CARD8: variants seen among roughly 807,000 people sequenced by gnomAD.
The protein encoded by CARD8 is caspase recruitment domain-containing protein 8.
Under a neutral mutation model 53.2 loss-of-function variants are expected in CARD8, and 38 were observed. The ratio of observed to expected loss-of-function variants is 0.71; its 90% CI spans 0.55 to 0.94. The LOEUF is 0.94. Among genes scored for constraint, CARD8 ranks in the 40% least tolerant of loss-of-function variants. The pLI, the probability that CARD8 is intolerant of heterozygous loss-of-function variation, is 0.00. For missense variants in CARD8, 561 were observed against 655.5 expected, an observed-to-expected ratio of 0.86 and a Z score of 1.57; for synonymous variants, 245 against 244.9, an observed-to-expected ratio of 1.00 and a Z score of 0.00.
At chr19:48,231,506 T>C (rs1222788138) in intron 8 of CARD8, among the ~76,000 whole-genome samples, 154 bp downstream of exon 8, 2 of 151,996 alleles carry the variant, frequency 1.3e-5, no homozygotes, top group Admixed American at 1.3e-4. Context: ...GGTTTCGTCA[T>C]GTTGGCCAGG....
At position 48,231,829 on chromosome 19, in the gene CARD8, A is replaced by G; in HGVS notation, c.392-19T>C. On this transcript the variant is annotated intron_variant, in intron 7 of 13. Transcript: ENST00000651546. ...ATGTCTCCTGAAAAGAAAATACTAG[A>G]CATGTAAGAGGTAAAGGGTTGGAAG... The G allele has an allele frequency of 3.1e-6, 5 of 1,612,562 alleles. No individual in the cohort carries two copies. Among genetic ancestry groups the G allele is most frequent in the Non-Finnish European group, 4.2e-6 (5 of 1,179,046 alleles).
At chr19:48,235,219 G>A (rs2043661180) in intron 5 of CARD8, among the ~76,000 whole-genome samples, 1 of 152,156 alleles carries the variant, frequency 6.6e-6, no homozygotes, top group Non-Finnish European at 1.5e-5. Context: ...GCTTGGTGCT[G>A]TCCTCCTATG....
At position 48,214,769 on chromosome 19, in the gene CARD8, C is replaced by CTT. The variant is rs531199248; in HGVS notation, c.1348+569_1348+570dup. On this transcript the variant is annotated intron_variant, in intron 13 of 13. Transcript: ENST00000651546. ...CCTTCCTTTCATTCCTGCTATAAAG[C>CTT]TTTTTTTTTTTTTTTTTTTTTTTTT... Among the ~76,000 whole-genome samples, 371 of 89,496 alleles carry CTT rather than the reference C, an allele frequency of 4.1e-3. 63 individuals are homozygous for CTT. The highest frequency in any genetic ancestry group is 0.02 in the East Asian group (59 of 2,984). 58.7% of individuals were successfully genotyped at this position (89,496 alleles called of 152,430 possible).
In CARD8 at chr19:48,209,024, G is replaced by C. The variant is rs2037627056; in HGVS notation, c.*2686C>G. ...AAAAAAAAAATACTCAAATGTGCCA[G>C]GTGTAGTGGCCTGTAATCCCAGCAC... On this transcript the variant is annotated 3_prime_UTR_variant, in exon 14 of 14. Transcript: ENST00000651546. 1 of 149,530 alleles carries C rather than the reference G, an allele frequency of 6.7e-6. No homozygotes were observed. Among genetic ancestry groups the C allele is most frequent in the Non-Finnish European group, 1.5e-5 (1 of 67,992 alleles). The allele number at this position is 149,530 out of a possible 1,614,324, so 9.3% of individuals were successfully genotyped here.
chr19:48,213,733 C>T (rs1007899141), intron 13 of CARD8, among the ~76,000 whole-genome samples: 1 of 152,208 alleles, frequency 6.6e-6, no homozygotes, highest in Admixed American at 6.5e-5. Context: ...ATTCCAGTGT[C>T]CTTAACAGAT....
At chr19:48,248,950 C>T (rs1193666501) in intron 3 of CARD8, among the ~76,000 whole-genome samples, 1 of 152,200 alleles carries the variant, frequency 6.6e-6, no homozygotes, top group Non-Finnish European at 1.5e-5. Flanking sequence ...GTAATCCCAA[C>T]ACTTTGGGAG....
downstream of CARD8, chr19:48,208,053 C>T (rs969178723): frequency 6.6e-6 from 1 of 152,020 alleles, no homozygotes; most frequent in Non-Finnish European, 1.5e-5. Context: ...TTTAATTTAG[C>T]ATCCTCAAAT....
chr19:48,218,896 C>A lies in CARD8; in HGVS notation c.1278G>T (p.Leu426Phe), dbSNP rs1490646592. ...LEITEKRHGT[L>F]VWDTEVKPVD... Reference sequence around the variant, plus strand: ...CTGGCTTCACCTCAGTATCCCACACCAAAGTCCCATGTCTTTTTTCAGTAA... The same window carrying A: ...CTGGCTTCACCTCAGTATCCCACACAAAAGTCCCATGTCTTTTTTCAGTAA... The change falls in exon 12 of 14, where the codon TTG (leucine) becomes TTT (phenylalanine). Residue 426 changes from leucine (L) to phenylalanine (F), a missense_variant. Coordinates refer to ENST00000651546, the MANE Select transcript of CARD8 (RefSeq NM_001184900.3). The A allele has an allele frequency of 2.5e-6, 4 of 1,614,054 alleles. No homozygotes were observed. The highest frequency in any genetic ancestry group is 3.4e-6 in the Non-Finnish European group (4 of 1,180,020).
chr19:48,220,391 T>C (rs2040238917), intron 11 of CARD8, among the ~76,000 whole-genome samples: 1 of 152,160 alleles, frequency 6.6e-6, no homozygotes, highest in Non-Finnish European at 1.5e-5. Context: ...CACCTAACCC[T>C]CTTGTTTCTC....
chr19:48,222,859 C>T (rs2040953084), intron 10 of CARD8, among the ~76,000 whole-genome samples: 1 of 152,128 alleles, frequency 6.6e-6, no homozygotes, highest in Admixed American at 6.5e-5. Context: ...ATTATTAGTC[C>T]AGCTGATCGA....
At chr19:48,203,917 T>C, downstream of CARD8, 6 of 282,114 alleles carry the variant, frequency 2.1e-5, no homozygotes, top group South Asian at 1.6e-4. Flanking sequence ...CCCAGCCGGC[T>C]GAGCGCCACC....
In CARD8 at chr19:48,241,072, A is replaced by G. The variant is rs1253084853; in HGVS notation, c.-43-9T>C. ...ACTGTATCTTTTTTACCCTGAAAAA[A>G]TAAAAGGAGGTTGTATTTAGGTACT... On this transcript the variant is annotated splice_polypyrimidine_tract_variant and intron_variant, in intron 3 of 13. Transcript: ENST00000651546. 2.8e-6 allele frequency: 4 copies of G among 1,409,580 alleles called. No individual in the cohort carries two copies. The highest frequency in any genetic ancestry group is 2.9e-6 in the Non-Finnish European group (3 of 1,033,020). The allele number at this position is 1,409,580 out of a possible 1,614,324, so 87.3% of individuals were successfully genotyped here.
chr19:48,228,692 G>A (rs1385937006), intron 10 of CARD8, among the ~76,000 whole-genome samples: 2 of 152,094 alleles, frequency 1.3e-5, no homozygotes, highest in Admixed American at 1.3e-4. Flanking sequence ...CCAATGTGGG[G>A]GCCATTCTAG....
chr19:48,240,463 G>C (rs1230048824), intron 4 of CARD8, among the ~76,000 whole-genome samples: 1 of 151,934 alleles, frequency 6.6e-6, no homozygotes, highest in African/African-American at 2.4e-5. Flanking sequence ...GGGAAGGAGA[G>C]AGAAGGTCTA....
chr19:48,211,775 G>A lies in CARD8; in HGVS notation c.1549C>T (p.Leu517Phe). 1.2e-6 allele frequency: 2 copies of A among 1,614,142 alleles called. No individual in the cohort carries two copies. The highest frequency in any genetic ancestry group is 1.7e-6 in the Non-Finnish European group (2 of 1,180,020). ...EKKGDLALDVLFRSISERDPY... is the reference protein window; with the variant it reads ...EKKGDLALDVFFRSISERDPY... The stretch of plus-strand genomic sequence containing the variant: ...TCCCTTTCACTAATGCTTCTGAAGA[G>A]CACGTCCAGGGCCAGGTCCCCTTTC... The change falls in exon 14 of 14, where the codon CTC becomes TTC. Residue 517 changes from leucine to phenylalanine, a missense_variant. By Grantham distance (22) the Leu-to-Phe change is conservative. Transcript: ENST00000651546.
At chr19:48,246,380 C>G (rs900979710) in intron 3 of CARD8, among the ~76,000 whole-genome samples, 4 of 151,916 alleles carry the variant, frequency 2.6e-5, no homozygotes, top group Admixed American at 6.6e-5. Flanking sequence ...ATCCTTGGCT[C>G]CCTTGTATTC....
At chr19:48,234,608 G>T in intron 5 of CARD8, 65 bp from the exon 6 acceptor site, 1 of 1,430,920 alleles carries the variant, frequency 7.0e-7, no homozygotes, top group Non-Finnish European at 9.5e-7. Context: ...AGCATAGGCT[G>T]TGCAGGAAGA....
intron 13 of CARD8, chr19:48,213,188 CTGTCATTTGCCA>C (rs2038386026): frequency 6.6e-6 from 1 of 152,186 alleles, no homozygotes; most frequent in Non-Finnish European, 1.5e-5. Flanking sequence ...GTTGGACTTT[CTGTCATTTGCCA>C]CACAAGACTT....
At chr19:48,249,015 A>G (rs2046568804) in intron 3 of CARD8, among the ~76,000 whole-genome samples, 1 of 152,134 alleles carries the variant, frequency 6.6e-6, no homozygotes, top group African/African-American at 2.4e-5. Context: ...CTGGCAACAT[A>G]GTGAAACTCC....
Sources: gnomAD v4.1 joint callset for allele counts (sites outside exome capture counted in the v4.1 genomes callset) on GRCh38, gnomAD v4.1.1 for gene constraint, MANE v1.5 for transcripts, NCBI Gene and HGNC (gene_info 2026-07-23, HGNC 2026-07-21) for gene names.